Variants in SPINDOC observed in about 807,000 individuals in gnomAD.
SPINDOC encodes the protein spindlin interactor and repressor of chromatin binding.
Under a neutral mutation model 30.7 loss-of-function variants are expected in SPINDOC, and 13 were observed. The observed-to-expected ratio is 0.42, with a 90% CI of 0.28 to 0.67. The LOEUF (loss-of-function observed/expected upper bound fraction) is 0.67. SPINDOC is among the 30% of genes least tolerant of loss of function. SPINDOC has a pLI of 0.22. For missense variants in SPINDOC, 438 were observed against 518.0 expected (o/e 0.85, Z 1.50); for synonymous variants, 228 against 211.4 (o/e 1.08, Z -0.68).
chr11:63,822,960 G>A, intron 5 of SPINDOC: 5 of 1,164,442 alleles, frequency 4.3e-6, no homozygotes, highest in Non-Finnish European at 5.7e-6. Flanking sequence ...AGGGGGCGGA[G>A]GCAATTGTAG....
At chr11:63,822,514 G>C (rs1220623364) in intron 5 of SPINDOC, 36 of 894,298 alleles carry the variant, frequency 4.0e-5, no homozygotes, top group Non-Finnish European at 5.4e-5. Flanking sequence ...AGCTCTCTGT[G>C]TGTTTGCGTG....
chr11:63,813,692 C>A lies in SPINDOC; in HGVS notation c.6C>A (p.Ala2=). 1 of 1,571,920 alleles carries A rather than the reference C, an allele frequency of 6.4e-7. No homozygotes were observed. The highest frequency in any genetic ancestry group is 8.6e-7 in the Non-Finnish European group (1 of 1,161,894). M[A]LKAEGAALDC... ...CTATCGCCCACGGCCGCACCATGGCCCTAAAGGCCGAGGGCGCCGCACTCG... is the reference window on the plus strand; with the variant it reads ...CTATCGCCCACGGCCGCACCATGGCACTAAAGGCCGAGGGCGCCGCACTCG... Residue 2 remains alanine (A), a synonymous_variant, in exon 1 of 6, where the codon GCC becomes GCA. Coordinates refer to ENST00000294244, the MANE Select transcript of SPINDOC (RefSeq NM_138471.3).
intron 5 of SPINDOC, 33 bp from the exon 6 acceptor site, chr11:63,826,895 C>T (rs1355411240): frequency 9.2e-7 from 1 of 1,091,934 alleles, no homozygotes; most frequent in Non-Finnish European, 1.4e-6. Context: ...GTCTGGGGGG[C>T]TCTGACTGCT....
intron 1 of SPINDOC, among the ~76,000 whole-genome samples, chr11:63,814,605 C>T (rs962945457): frequency 1.3e-5 from 2 of 152,148 alleles, no homozygotes; most frequent in Admixed American, 1.3e-4. Flanking sequence ...AATATATTTC[C>T]ATTCTCCCAC....
intron 5 of SPINDOC, chr11:63,823,227 G>T (rs2015575796): frequency 7.8e-7 from 1 of 1,287,770 alleles, no homozygotes; most frequent in African/African-American, 1.5e-5. Context: ...GGTTTCAGAC[G>T]ATCTCACGAA....
chr11:63,816,467 T>C (rs1454471561), intron 1 of SPINDOC, among the ~76,000 whole-genome samples: 2 of 152,026 alleles, frequency 1.3e-5, no homozygotes, highest in Non-Finnish European at 2.9e-5. Flanking sequence ...GAGAGGTCAT[T>C]TCTGCCCATG....
intron 1 of SPINDOC, among the ~76,000 whole-genome samples, chr11:63,814,563 T>C (rs1400432688): frequency 2.0e-5 from 3 of 152,344 alleles, no homozygotes; most frequent in Admixed American, 2.0e-4. Flanking sequence ...AAGAGCCATC[T>C]TTGTGGGAGA....
intron 5 of SPINDOC, among the ~76,000 whole-genome samples, chr11:63,826,540 C>T (rs950951081): frequency 6.6e-6 from 1 of 152,178 alleles, no homozygotes; most frequent in African/African-American, 2.4e-5. Context: ...CACCCCATCA[C>T]CTCTGCCCCA....
intron 5 of SPINDOC, among the ~76,000 whole-genome samples, chr11:63,825,456 A>G (rs1421284747): frequency 6.6e-6 from 1 of 151,990 alleles, no homozygotes; most frequent in Non-Finnish European, 1.5e-5. Flanking sequence ...TCCCTGGTGT[A>G]CTTTGCTACT....
chr11:63,826,097 C>A (rs1795492379), intron 5 of SPINDOC, among the ~76,000 whole-genome samples: 1 of 152,050 alleles, frequency 6.6e-6, no homozygotes, highest in Admixed American at 6.6e-5. Context: ...CACCACTATG[C>A]CTGCCTAATT....
intron 5 of SPINDOC, among the ~76,000 whole-genome samples, chr11:63,823,847 C>T (rs1406757131): frequency 6.6e-6 from 1 of 151,886 alleles, no homozygotes; most frequent in African/African-American, 2.4e-5. Flanking sequence ...ATCTGCCCGC[C>T]TCAACCTCCC....
At chr11:63,822,541 T>G in intron 5 of SPINDOC, 1 of 1,180,442 alleles carries the variant, frequency 8.5e-7, no homozygotes, top group Non-Finnish European at 1.1e-6. Flanking sequence ...TAGTTGCTTT[T>G]GTTTATTTGC....
chr11:63,820,123 C>T (rs548891508), intron 5 of SPINDOC, among the ~76,000 whole-genome samples: 12 of 152,014 alleles, frequency 7.9e-5, no homozygotes, highest in Non-Finnish European at 1.3e-4. Flanking sequence ...CAAGGCAAGT[C>T]GTGGTGGCTC....
chr11:63,821,641 C>A (rs935434319), intron 5 of SPINDOC, among the ~76,000 whole-genome samples: 1 of 152,184 alleles, frequency 6.6e-6, no homozygotes, highest in Non-Finnish European at 1.5e-5. Context: ...TAGGAGTGCA[C>A]GTCTCCTTGT....
chr11:63,827,057 G>A lies in SPINDOC; in HGVS notation c.1064G>A (p.Gly355Asp), dbSNP rs1256343606. 2 of 1,614,170 alleles carry A rather than the reference G, an allele frequency of 1.2e-6. No homozygotes were observed. Among genetic ancestry groups the A allele is most frequent in the East Asian group, 4.5e-5 (2 of 44,868 alleles). ...CAGGGCACCAAGCGTGTGGGAGCAG[G>A]TGACACCTCAGACTGGCCCACAGTT... ...HPQGTKRVGA[G>D]DTSDWPTVLS... The change falls in exon 6 of 6, where the codon GGT becomes GAT. Residue 355 changes from glycine to aspartate, a missense_variant. By Grantham distance (94) the Gly-to-Asp change is moderately conservative. This residue lies in a region of SPINDOC where 300 missense variants were observed against 332.8 expected (regional missense o/e 0.90). Transcript: ENST00000294244.
At chr11:63,822,356 TAAA>T (rs753315518) in intron 5 of SPINDOC, among the ~76,000 whole-genome samples, 216 of 58,796 alleles carry the variant, frequency 3.7e-3, no homozygotes, top group Non-Finnish European at 7.1e-3. Context: ...CTAGACTGTC[TAAA>T]AAAAAAAAAA....
At chr11:63,826,805 C>A in intron 5 of SPINDOC, 123 bp from the exon 6 acceptor site, 1 of 641,208 alleles carries the variant, frequency 1.6e-6, no homozygotes, top group Non-Finnish European at 2.8e-6. Flanking sequence ...ATGCCAGGCA[C>A]TGGGCTGTGG....
chr11:63,822,900 T>A (rs530556236), intron 5 of SPINDOC: 1 of 1,286,044 alleles, frequency 7.8e-7, no homozygotes, highest in Admixed American at 2.3e-5. Flanking sequence ...TTGGGGTGAG[T>A]GGGCAAAGTC....
chr11:63,820,187 C>A (rs911913076), intron 5 of SPINDOC, among the ~76,000 whole-genome samples: 1 of 151,286 alleles, frequency 6.6e-6, no homozygotes, highest in African/African-American at 2.4e-5. Context: ...CACCTGAGGT[C>A]GGGAGTTTGA....
Sources: gnomAD v4.1 joint callset for allele counts (sites outside exome capture counted in the v4.1 genomes callset) on GRCh38, gnomAD v4.1.1 for gene constraint, gnomAD v4.1.1 regional missense constraint, MANE v1.5 for transcripts, NCBI Gene and HGNC (gene_info 2026-07-23, HGNC 2026-07-21) for gene names.